The following ABL1 variants were observed in gnomAD, a reference collection of about 807,000 sequenced individuals.
ABL1 encodes ABL proto-oncogene 1, non-receptor tyrosine kinase, also known as tyrosine-protein kinase ABL1.
ABL1 carries 11 observed loss-of-function variants against 94.7 expected under a neutral mutation model. That is an observed-to-expected ratio of 0.12 (90% CI 0.07 to 0.19). The LOEUF (loss-of-function observed/expected upper bound fraction) is 0.19. Among genes scored for constraint, ABL1 ranks in the 10% least tolerant of loss-of-function variants. The probability of loss-of-function intolerance (pLI) is 1.00; values close to 1 mark genes in which losing one functional copy is unlikely to be tolerated. For synonymous variants in ABL1, 656 were observed against 622.4 expected (o/e 1.05, Z -0.80); for missense variants, 1,082 against 1,489.4 (o/e 0.73, Z 4.50).
chr9:130,744,155 T>C (rs1831854381), intron 1 of ABL1, among the ~76,000 whole-genome samples: 1 of 152,034 alleles, frequency 6.6e-6, no homozygotes, highest in Non-Finnish European at 1.5e-5. Context: ...TTTTCTTTTT[T>C]TCCCTGAGAC....
intron 10 of ABL1, among the ~76,000 whole-genome samples, chr9:130,881,151 C>T (rs773494537): frequency 3.9e-5 from 6 of 152,154 alleles, no homozygotes; most frequent in Admixed American, 1.3e-4. Context: ...ATTGCCTAGG[C>T]GAGCAAGGGA....
intron 1 of ABL1, among the ~76,000 whole-genome samples, chr9:130,715,969 T>C (rs1434917217): frequency 6.6e-6 from 1 of 152,006 alleles, no homozygotes; most frequent in Non-Finnish European, 1.5e-5. Context: ...ACTATACTTG[T>C]AGTCATTGCA....
At chr9:130,791,289 T>C (rs1829906186) in intron 1 of ABL1, among the ~76,000 whole-genome samples, 1 of 152,200 alleles carries the variant, frequency 6.6e-6, no homozygotes, top group Non-Finnish European at 1.5e-5. Context: ...TCTAGAATTG[T>C]GTAGCCATGA....
intron 3 of ABL1, among the ~76,000 whole-genome samples, chr9:130,858,334 A>G (rs1023583595): frequency 1.3e-5 from 2 of 152,168 alleles, no homozygotes; most frequent in Admixed American, 6.5e-5. Flanking sequence ...TCTAAAAGCT[A>G]GTATGTGCCA....
chr9:130,820,013 G>A (rs1473330228), intron 1 of ABL1, among the ~76,000 whole-genome samples: 1 of 151,652 alleles, frequency 6.6e-6, no homozygotes, highest in African/African-American at 2.4e-5. Flanking sequence ...CCTATCTTTG[G>A]TGACTTCTGC....
At chr9:130,812,201 A>C (rs1830218869) in intron 1 of ABL1, among the ~76,000 whole-genome samples, 2 of 106,784 alleles carry the variant, frequency 1.9e-5, no homozygotes, top group Admixed American at 9.0e-5. Context: ...CCATCTCTAC[A>C]AAAAAAAAAA....
At chr9:130,725,000 C>T (rs1268906964) in intron 1 of ABL1, 14 of 293,400 alleles carry the variant, frequency 4.8e-5, no homozygotes, top group East Asian at 2.2e-4. Context: ...GGCCGCACAA[C>T]GTGTGCATCA....
rs1033594072 is a variant in ABL1 at position 130,863,783 on chromosome 9, C to T, written c.822+748C>T. On this transcript the variant is annotated intron_variant, in intron 4 of 10. Coordinates refer to ENST00000318560, the MANE Select transcript of ABL1 (RefSeq NM_005157.6). This position sits in a 1 kb window ranked among gnomAD's most constrained non-coding sequence, Gnocchi z 4.3. ...ATGTGATCCAGGCTTTTCCCTGTGG[C>T]GAGGGTGTCCCCTAGTGTTGACTTA... Among the ~76,000 whole-genome samples, 2 of 152,174 alleles carry T rather than the reference C, an allele frequency of 1.3e-5. No individual in the cohort carries two copies. The highest frequency in any genetic ancestry group is 6.6e-5 in the Admixed American group (1 of 15,266).
At chr9:130,795,143 TGG>T (rs1829958540) in intron 1 of ABL1, among the ~76,000 whole-genome samples, 1 of 152,198 alleles carries the variant, frequency 6.6e-6, no homozygotes, top group Non-Finnish European at 1.5e-5. Flanking sequence ...TGCATGCAGT[TGG>T]GCCTTTTGTC....
At chr9:130,812,467 A>G (rs1830222697) in intron 1 of ABL1, among the ~76,000 whole-genome samples, 1 of 152,202 alleles carries the variant, frequency 6.6e-6, no homozygotes, top group Admixed American at 6.5e-5. Flanking sequence ...TTGAATATAA[A>G]AATACAAATA....
rs558285907 is a variant in ABL1 at position 130,773,354 on chromosome 9, A to T, written c.136+58899A>T. Among the ~76,000 whole-genome samples, 11 of 152,284 alleles carry T rather than the reference A, an allele frequency of 7.2e-5. No homozygotes were observed. In the East Asian group the frequency reaches 1.9e-3, roughly 27 times the overall value. On this transcript the variant is annotated intron_variant, in intron 1 of 10. Coordinates refer to the ABL1 transcript ENST00000372348. ...AAAAAATTTAAAAAATAAATAAAAA[A>T]TAAAAGATGAGCTGAAAATAAGAAA...
rs34520706 is a variant in ABL1 at position 130,733,807 on chromosome 9, G to A, written c.136+19352G>A. 7.4e-3 allele frequency among the ~76,000 whole-genome samples: 1,120 copies of A among 152,002 alleles called. 10 individuals are homozygous for A. Among genetic ancestry groups the A allele is most frequent in the Middle Eastern group, 0.024 (7 of 294 alleles). On this transcript the variant is annotated intron_variant, in intron 1 of 10. Transcript: ENST00000372348. Reference sequence around the variant, plus strand: ...GGGTTTCACCATGTTAGCCAGGATGGTCTCGATCTCCTGACTTTGTGATCC... The same window carrying A: ...GGGTTTCACCATGTTAGCCAGGATGATCTCGATCTCCTGACTTTGTGATCC...
intron 1 of ABL1, among the ~76,000 whole-genome samples, chr9:130,801,644 T>G (rs1332679986): frequency 6.6e-6 from 1 of 152,206 alleles, no homozygotes; most frequent in Non-Finnish European, 1.5e-5. Flanking sequence ...GGTTGACAAG[T>G]TTTTTGGTAT....
chr9:130,742,517 G>A lies in ABL1; in HGVS notation c.136+28062G>A, dbSNP rs146776758. ...AGGTTTCGTCACATATTCCCTACCT[G>A]TTGCTGCCATTGAGGGCTTTCTCTG... is the stretch of plus-strand genomic sequence containing the variant. On this transcript the variant is annotated intron_variant, in intron 1 of 10. Transcript: ENST00000372348. 3.7e-3 allele frequency among the ~76,000 whole-genome samples: 569 copies of A among 152,214 alleles called. 2 individuals are homozygous for A. Among genetic ancestry groups the A allele is most frequent in the African/African-American group, 0.013 (537 of 41,532 alleles).
At chr9:130,817,973 C>A (rs926094241) in intron 1 of ABL1, among the ~76,000 whole-genome samples, 20 of 152,076 alleles carry the variant, frequency 1.3e-4, no homozygotes, top group Admixed American at 1.2e-3. Context: ...AGTAGAATTG[C>A]TAGGTCGTAG....
chr9:130,858,709 T>C (rs1350450750), intron 3 of ABL1, among the ~76,000 whole-genome samples: 1 of 152,184 alleles, frequency 6.6e-6, no homozygotes, highest in Non-Finnish European at 1.5e-5. Context: ...TTTTTGGATT[T>C]CTAAGGGGAA....
intron 1 of ABL1, among the ~76,000 whole-genome samples, chr9:130,737,488 C>T (rs193100645): frequency 2.0e-5 from 3 of 151,944 alleles, no homozygotes; most frequent in Non-Finnish European, 4.4e-5. Context: ...AGGCTGGTCT[C>T]GAACTCCTGA....
chr9:130,855,329 T>C (rs1200354283), intron 3 of ABL1, among the ~76,000 whole-genome samples: 2 of 152,226 alleles, frequency 1.3e-5, no homozygotes, highest in South Asian at 4.1e-4. Context: ...TAGAGTTTTG[T>C]TGTTAGCAAG....
intron 1 of ABL1, among the ~76,000 whole-genome samples, chr9:130,761,533 C>G (rs1374561921): frequency 6.6e-6 from 1 of 152,152 alleles, no homozygotes; most frequent in African/African-American, 2.4e-5. Flanking sequence ...TTAATCAACT[C>G]CCCTTTTAAT....
Sources: allele counts gnomAD v4.1 joint callset (sites outside exome capture counted in the v4.1 genomes callset), GRCh38; gene constraint gnomAD v4.1.1; non-coding constraint Gnocchi (gnomAD v3.1); transcripts MANE v1.5; gene names NCBI Gene and HGNC (gene_info 2026-07-23, HGNC 2026-07-21).